Variants in POFUT3 observed in about 807,000 individuals in gnomAD.
The protein encoded by POFUT3 is GDP-fucose protein O-fucosyltransferase 3.
the POFUT3 span, among the ~76,000 whole-genome samples, chr8:33,464,222 T>C: frequency 0.012 from 1,841 of 152,276 alleles, 43 homozygotes; most frequent in African/African-American, 0.042. Context: ...AAATGAAGCA[T>C]ATAAAATAGA....
At chr8:33,335,617 C>G in the POFUT3 span, among the ~76,000 whole-genome samples, 2 of 152,182 alleles carry the variant, frequency 1.3e-5, no homozygotes, top group African/African-American at 4.8e-5. Context: ...AGTTGAAAAT[C>G]TGCCTATAAC....
At chr8:33,373,766 A>G in the POFUT3 span, among the ~76,000 whole-genome samples, 1 of 152,188 alleles carries the variant, frequency 6.6e-6, no homozygotes, top group Non-Finnish European at 1.5e-5. Flanking sequence ...CTCCAGAAAC[A>G]CCATTAAAAT....
At chr8:33,342,110 G>A in the POFUT3 span, among the ~76,000 whole-genome samples, 3 of 152,158 alleles carry the variant, frequency 2.0e-5, no homozygotes. Context: ...AACCCGGGAG[G>A]TGGAGGCTGC....
At chr8:33,309,541 C>G in the POFUT3 span, among the ~76,000 whole-genome samples, 1 of 151,980 alleles carries the variant, frequency 6.6e-6, no homozygotes, top group Admixed American at 6.6e-5. Flanking sequence ...GTCTTCTTCT[C>G]TGCTGACCGG....
chr8:33,441,754 T>C, the POFUT3 span, among the ~76,000 whole-genome samples: 3 of 152,100 alleles, frequency 2.0e-5, no homozygotes, highest in Admixed American at 2.0e-4. Context: ...CTATGAGAGA[T>C]ATAGTTGTCT....
the POFUT3 span, among the ~76,000 whole-genome samples, chr8:33,392,236 G>T: frequency 6.6e-6 from 1 of 152,190 alleles, no homozygotes; most frequent in Admixed American, 6.5e-5. Flanking sequence ...TTTTCTGTAA[G>T]ATTGTCAGAT....
chr8:33,362,071 C>T, the POFUT3 span, among the ~76,000 whole-genome samples: 3 of 152,122 alleles, frequency 2.0e-5, no homozygotes, highest in African/African-American at 2.4e-5. Flanking sequence ...GCAGATCTAT[C>T]GGCAGAAACC....
chr8:33,417,988 T>A, the POFUT3 span, among the ~76,000 whole-genome samples: 12 of 152,060 alleles, frequency 7.9e-5, no homozygotes, highest in Non-Finnish European at 8.8e-5. Context: ...ATACTAACAC[T>A]GGGAGCTGTC....
the POFUT3 span, among the ~76,000 whole-genome samples, chr8:33,446,795 T>G: frequency 6.6e-6 from 1 of 152,170 alleles, no homozygotes; most frequent in East Asian, 1.9e-4. Flanking sequence ...TGCCATTCGG[T>G]TCATTAAAGT....
chr8:33,386,999 GT>G, the POFUT3 span, among the ~76,000 whole-genome samples: 1 of 152,132 alleles, frequency 6.6e-6, no homozygotes, highest in Non-Finnish European at 1.5e-5. Context: ...CAGAAATTCT[GT>G]TTTCTACCTT....
chr8:33,376,811 G>A, the POFUT3 span, among the ~76,000 whole-genome samples: 1 of 152,182 alleles, frequency 6.6e-6, no homozygotes, highest in Non-Finnish European at 1.5e-5. Context: ...AGCAAGAACA[G>A]AACAAAATCA....
chr8:33,334,368 C>G, the POFUT3 span, among the ~76,000 whole-genome samples: 1 of 152,172 alleles, frequency 6.6e-6, no homozygotes, highest in Non-Finnish European at 1.5e-5. Context: ...CTGGCATGCG[C>G]CACCACACTC....
At chr8:33,419,925 C>A in the POFUT3 span, among the ~76,000 whole-genome samples, 2 of 152,060 alleles carry the variant, frequency 1.3e-5, no homozygotes, top group African/African-American at 2.4e-5. Context: ...ACTAGGAGTT[C>A]AAAGCCAGCC....
the POFUT3 span, among the ~76,000 whole-genome samples, chr8:33,357,719 A>G: frequency 6.6e-6 from 1 of 152,072 alleles, no homozygotes; most frequent in Non-Finnish European, 1.5e-5. Flanking sequence ...ATGCAGAACT[A>G]CATAAAAAAC....
chr8:33,341,103 C>T, the POFUT3 span, among the ~76,000 whole-genome samples: 2 of 152,094 alleles, frequency 1.3e-5, no homozygotes, highest in East Asian at 3.9e-4. Context: ...TCAGTGACCA[C>T]AATGGAATCA....
the POFUT3 span, among the ~76,000 whole-genome samples, chr8:33,369,400 T>C: frequency 3.9e-5 from 6 of 152,208 alleles, no homozygotes; most frequent in African/African-American, 1.4e-4. Flanking sequence ...TATATGCTGA[T>C]ATTAGAATTA....
the POFUT3 span, among the ~76,000 whole-genome samples, chr8:33,370,060 A>G: frequency 6.6e-6 from 1 of 150,918 alleles, no homozygotes; most frequent in Non-Finnish European, 1.5e-5. Context: ...GGCCAGGCGC[A>G]GTGGCTCAGG....
chr8:33,403,010 G>A, the POFUT3 span, among the ~76,000 whole-genome samples: 5 of 151,792 alleles, frequency 3.3e-5, no homozygotes, highest in African/African-American at 1.2e-4. Flanking sequence ...ACAGTGAGCC[G>A]AGATCGCACC....
chr8:33,333,094 A>C, the POFUT3 span, among the ~76,000 whole-genome samples: 1 of 152,236 alleles, frequency 6.6e-6, no homozygotes, highest in African/African-American at 2.4e-5. Context: ...ACCAAAAGGC[A>C]GACGCGGTAC....
Sources: gnomAD v4.1 joint callset for allele counts (sites outside exome capture counted in the v4.1 genomes callset) on GRCh38, gnomAD v4.1.1 for gene constraint, MANE v1.5 for transcripts, NCBI Gene and HGNC (gene_info 2026-07-23, HGNC 2026-07-21) for gene names.